The following SOX5 variants were observed in gnomAD, a reference collection of about 807,000 sequenced individuals.
SOX5 encodes SRY-box transcription factor 5.
SOX5 carries 9 observed loss-of-function variants against 92.0 expected under a neutral mutation model. That is an observed-to-expected ratio of 0.10 (90% CI 0.06 to 0.17). SOX5 has a LOEUF of 0.17. Ranked by LOEUF, SOX5 falls within the 10% of genes least tolerant of loss-of-function variation. SOX5 has a pLI of 1.00. For missense variants in SOX5, 642 were observed against 944.5 expected (o/e 0.68, Z 4.20); for synonymous variants, 344 against 336.3 (o/e 1.02, Z -0.25).
At chr12:23,738,175 A>T (rs1163808659) in intron 5 of SOX5, among the ~76,000 whole-genome samples, 2 of 152,220 alleles carry the variant, frequency 1.3e-5, no homozygotes, top group Non-Finnish European at 2.9e-5. Flanking sequence ...GGAAAGGCTC[A>T]TCAGTAAACA....
At chr12:23,549,356 G>A (rs1046603274) in intron 11 of SOX5, among the ~76,000 whole-genome samples, 1 of 151,772 alleles carries the variant, frequency 6.6e-6, no homozygotes, top group Non-Finnish European at 1.5e-5. Flanking sequence ...AAATCATGTT[G>A]GTGATATAGA....
intron 4 of SOX5, among the ~76,000 whole-genome samples, chr12:23,967,843 T>G (rs77202595): frequency 3.9e-5 from 6 of 152,324 alleles, no homozygotes; most frequent in African/African-American, 9.6e-5. Context: ...AGAAAATTTT[T>G]GAAGAATATT....
intron 2 of SOX5, among the ~76,000 whole-genome samples, chr12:23,884,185 A>T (rs954722508): frequency 6.6e-6 from 1 of 152,180 alleles, no homozygotes; most frequent in Non-Finnish European, 1.5e-5. Context: ...CGCACCCTCT[A>T]GGTTAGATGC....
chr12:24,034,008 T>C (rs1363512768), intron 4 of SOX5, among the ~76,000 whole-genome samples: 1 of 152,074 alleles, frequency 6.6e-6, no homozygotes, highest in Non-Finnish European at 1.5e-5. Flanking sequence ...GTCTATATTT[T>C]ATAAGTCCAG....
At chr12:24,179,734 G>A (rs1000076594) in intron 4 of SOX5, among the ~76,000 whole-genome samples, 7 of 152,238 alleles carry the variant, frequency 4.6e-5, no homozygotes, top group African/African-American at 7.2e-5. Context: ...TAAGGTAGGT[G>A]CGGCTAAGCT....
At chr12:23,662,098 A>G (rs2083138112) in intron 7 of SOX5, among the ~76,000 whole-genome samples, 1 of 151,926 alleles carries the variant, frequency 6.6e-6, no homozygotes, top group South Asian at 2.1e-4. Flanking sequence ...TCATGTAATT[A>G]TTTTCAAGTT....
At chr12:23,576,077 A>G (rs535665394) in intron 9 of SOX5, among the ~76,000 whole-genome samples, 1 of 152,354 alleles carries the variant, frequency 6.6e-6, no homozygotes, top group African/African-American at 2.4e-5. Context: ...ACCCACAGAA[A>G]GCAGATAATT....
intron 4 of SOX5, among the ~76,000 whole-genome samples, chr12:23,978,563 A>G (rs141652874): frequency 1.2e-4 from 19 of 152,304 alleles, no homozygotes; most frequent in African/African-American, 4.6e-4. Flanking sequence ...CCTTCGTCAC[A>G]ATACATGGTA....
At chr12:24,295,087 AAGGT>A (rs1248967424) in intron 2 of SOX5, among the ~76,000 whole-genome samples, 7 of 146,334 alleles carry the variant, frequency 4.8e-5, no homozygotes, top group African/African-American at 1.8e-4. Context: ...TATCATGTAT[AAGGT>A]ATATATATGA....
intron 1 of SOX5, among the ~76,000 whole-genome samples, chr12:23,925,226 C>T (rs2138997191): frequency 6.6e-6 from 1 of 152,178 alleles, no homozygotes; most frequent in South Asian, 2.1e-4. Context: ...GAATTTCTCT[C>T]ACAAATCAAA....
At chr12:24,063,625 A>G (rs998184725) in intron 4 of SOX5, among the ~76,000 whole-genome samples, 2 of 152,214 alleles carry the variant, frequency 1.3e-5, no homozygotes, top group African/African-American at 4.8e-5. Flanking sequence ...TCATATTTCA[A>G]TGGTTAGGAA....
chr12:23,701,695 AT>A (rs1406297397), intron 6 of SOX5, among the ~76,000 whole-genome samples: 1 of 152,094 alleles, frequency 6.6e-6, no homozygotes, highest in South Asian at 2.1e-4. Flanking sequence ...CAGTGGTAAC[AT>A]TTTTTGGTCC....
chr12:23,970,841 A>ATATATATATATATATAT, intron 4 of SOX5, among the ~76,000 whole-genome samples: 1 of 21,878 alleles, frequency 4.6e-5, no homozygotes, highest in African/African-American at 1.2e-4. Context: ...TATATATATA[A>ATATATATATATATATAT]TTTTTTTTTT....
intron 4 of SOX5, among the ~76,000 whole-genome samples, chr12:24,138,865 G>A (rs926819861): frequency 1.3e-5 from 2 of 152,086 alleles, no homozygotes; most frequent in Non-Finnish European, 2.9e-5. Context: ...GGATGTTCAG[G>A]CTATTGCAAC....
At chr12:24,151,367 A>T (rs540593265) in intron 4 of SOX5, among the ~76,000 whole-genome samples, 13 of 152,302 alleles carry the variant, frequency 8.5e-5, no homozygotes, top group African/African-American at 2.4e-4. Context: ...AATTCTACAC[A>T]GTCATTGGAT....
chr12:24,269,668 C>G (rs919246333), intron 3 of SOX5, among the ~76,000 whole-genome samples: 1 of 149,490 alleles, frequency 6.7e-6, no homozygotes, highest in Non-Finnish European at 1.5e-5. Context: ...TATCCTTTAT[C>G]ACATTTCTTT....
intron 1 of SOX5, among the ~76,000 whole-genome samples, chr12:23,932,163 T>A: frequency 6.6e-6 from 1 of 151,634 alleles, no homozygotes; most frequent in East Asian, 1.9e-4. Context: ...AAAAGAATGA[T>A]GGTCCAATAC....
chr12:24,399,011 T>G (rs1960804074), intron 1 of SOX5, among the ~76,000 whole-genome samples: 1 of 152,182 alleles, frequency 6.6e-6, no homozygotes, highest in South Asian at 2.1e-4. Flanking sequence ...AGAACCCACT[T>G]AATTTTAGAC....
chr12:23,825,282 G>A (rs2096209057), intron 3 of SOX5, among the ~76,000 whole-genome samples: 1 of 152,214 alleles, frequency 6.6e-6, no homozygotes, highest in South Asian at 2.1e-4. Context: ...CATAGTATCT[G>A]GGCCGGATAG....
Sources: gnomAD v4.1 joint callset for allele counts (sites outside exome capture counted in the v4.1 genomes callset) on GRCh38, gnomAD v4.1.1 for gene constraint, MANE v1.5 for transcripts, NCBI Gene and HGNC (gene_info 2026-07-23, HGNC 2026-07-21) for gene names.